The following BRINP3 variants were observed in gnomAD, a reference collection of about 807,000 sequenced individuals.
BRINP3 encodes the protein BMP/retinoic acid-inducible neural-specific protein 3.
In BRINP3, 19 loss-of-function variants were observed where a neutral mutation model predicts 71.0. That is an observed-to-expected ratio of 0.27 (90% CI 0.19 to 0.39). The LOEUF is 0.39. Among genes scored for constraint, BRINP3 ranks in the 10% least tolerant of loss-of-function variants. The pLI, the probability that BRINP3 is intolerant of heterozygous loss-of-function variation, is 1.00. For missense variants in BRINP3, 959 were observed against 940.8 expected, an observed-to-expected ratio of 1.02 and a Z score of -0.25; for synonymous variants, 380 against 337.7, an observed-to-expected ratio of 1.13 and a Z score of -1.37.
intron 6 of BRINP3, among the ~76,000 whole-genome samples, chr1:190,188,607 A>C (rs746932625): frequency 4.1e-5 from 6 of 146,230 alleles, no homozygotes; most frequent in Non-Finnish European, 5.9e-5. Context: ...TCTATTGAAA[A>C]CATCATTTTT....
In BRINP3 at chr1:190,111,463, C is replaced by T. The variant is rs531095594; in HGVS notation, c.1185-12329G>A. Reference sequence around the variant, plus strand: ...TGCTTTATTTGACATTGGTGCCTATCCAATATTCACAGGTCTATTATTCTT... The same window carrying T: ...TGCTTTATTTGACATTGGTGCCTATTCAATATTCACAGGTCTATTATTCTT... On this transcript the variant is annotated intron_variant, in intron 7 of 7. Coordinates refer to ENST00000367462, the MANE Select transcript of BRINP3 (RefSeq NM_199051.3). Among the ~76,000 whole-genome samples, 97 of 152,096 alleles carry T rather than the reference C, an allele frequency of 6.4e-4. 1 individual carries two copies. The highest frequency in any genetic ancestry group is 6.8e-3 in the Middle Eastern group (2 of 294).
At chr1:190,262,382 T>C (rs527327877) in intron 4 of BRINP3, among the ~76,000 whole-genome samples, 9 of 152,322 alleles carry the variant, frequency 5.9e-5, no homozygotes, top group African/African-American at 2.2e-4. Flanking sequence ...CCTCACCACC[T>C]CACGCTTGCA....
chr1:190,278,674 A>T (rs1558139165), intron 3 of BRINP3, among the ~76,000 whole-genome samples: 1 of 151,686 alleles, frequency 6.6e-6, no homozygotes, highest in Non-Finnish European at 1.5e-5. Flanking sequence ...TGAAAACTCA[A>T]TCCAAGGAAT....
At chr1:190,343,642 A>G (rs2103120191) in intron 2 of BRINP3, among the ~76,000 whole-genome samples, 1 of 151,756 alleles carries the variant, frequency 6.6e-6, no homozygotes, top group Non-Finnish European at 1.5e-5. Flanking sequence ...GTATTATTAT[A>G]TTTAATCTCT....
At chr1:190,222,095 A>G (rs1000208960) in intron 6 of BRINP3, among the ~76,000 whole-genome samples, 1 of 152,008 alleles carries the variant, frequency 6.6e-6, no homozygotes, top group African/African-American at 2.4e-5. Context: ...AAAACATTTC[A>G]CCCAACTGCT....
intron 7 of BRINP3, among the ~76,000 whole-genome samples, chr1:190,114,695 G>A (rs1253461350): frequency 6.6e-6 from 1 of 151,942 alleles, no homozygotes; most frequent in East Asian, 1.9e-4. Context: ...AATCCTTACA[G>A]TGGCCCGTAA....
intron 2 of BRINP3, among the ~76,000 whole-genome samples, chr1:190,312,660 G>A (rs1665617439): frequency 6.6e-6 from 1 of 151,654 alleles, no homozygotes; most frequent in African/African-American, 2.4e-5. Context: ...GTGGTTCAAA[G>A]GTTTTGAAAA....
chr1:190,372,389 G>T (rs1669924594), intron 2 of BRINP3, among the ~76,000 whole-genome samples: 1 of 152,300 alleles, frequency 6.6e-6, no homozygotes, highest in Middle Eastern at 3.4e-3. Flanking sequence ...CTTACTGAGG[G>T]TGTTTACTGA....
chr1:190,157,473 T>C (rs1056455020), intron 7 of BRINP3, among the ~76,000 whole-genome samples: 7 of 152,126 alleles, frequency 4.6e-5, no homozygotes, highest in Non-Finnish European at 1.0e-4. Context: ...GACATACATA[T>C]CCAGCTCTAG....
At chr1:190,126,541 C>A (rs558308226) in intron 7 of BRINP3, among the ~76,000 whole-genome samples, 21 of 152,030 alleles carry the variant, frequency 1.4e-4, no homozygotes, top group African/African-American at 5.1e-4. Context: ...TGAAGCAAGA[C>A]ACCTCAGTAT....
intron 2 of BRINP3, among the ~76,000 whole-genome samples, chr1:190,301,712 C>G (rs1342082314): frequency 6.6e-6 from 1 of 151,754 alleles, no homozygotes; most frequent in East Asian, 1.9e-4. Flanking sequence ...ATAACTATCT[C>G]TGTGTTCATT....
chr1:190,189,597 T>A (rs968892459), intron 6 of BRINP3, among the ~76,000 whole-genome samples: 3 of 152,148 alleles, frequency 2.0e-5, no homozygotes, highest in Admixed American at 6.6e-5. Context: ...TCAACATTTA[T>A]GTTTAACTTT....
chr1:190,465,543 G>A (rs1056561757), intron 1 of BRINP3, among the ~76,000 whole-genome samples: 7 of 151,912 alleles, frequency 4.6e-5, no homozygotes, highest in African/African-American at 1.7e-4. Context: ...TCCTGAAGGT[G>A]ATATCTGACC....
At chr1:190,327,737 C>A (rs963257568) in intron 2 of BRINP3, among the ~76,000 whole-genome samples, 2 of 152,064 alleles carry the variant, frequency 1.3e-5, no homozygotes, top group African/African-American at 4.8e-5. Context: ...TTAGACAGAT[C>A]ATATAGGCAG....
chr1:190,252,194 T>A (rs1660210341), intron 4 of BRINP3, among the ~76,000 whole-genome samples: 1 of 152,066 alleles, frequency 6.6e-6, no homozygotes, highest in South Asian at 2.1e-4. Context: ...AATGCTGCTG[T>A]GTTCCATGCT....
At chr1:190,358,955 GAAC>G (rs1488383311) in intron 2 of BRINP3, among the ~76,000 whole-genome samples, 2 of 151,948 alleles carry the variant, frequency 1.3e-5, no homozygotes, top group Non-Finnish European at 2.9e-5. Flanking sequence ...GGTGGGAATT[GAAC>G]AACGAGAACA....
chr1:190,425,233 T>G (rs1023656510), intron 2 of BRINP3, among the ~76,000 whole-genome samples: 1 of 151,728 alleles, frequency 6.6e-6, no homozygotes, highest in Non-Finnish European at 1.5e-5. Context: ...ACAGTTTACA[T>G]AGATATAAAA....
intron 1 of BRINP3, among the ~76,000 whole-genome samples, chr1:190,464,339 T>A (rs986751369): frequency 6.6e-6 from 1 of 151,960 alleles, no homozygotes; most frequent in African/African-American, 2.4e-5. Flanking sequence ...ACCTTAAATT[T>A]TTTGAACAAA....
intron 4 of BRINP3, among the ~76,000 whole-genome samples, chr1:190,235,053 C>T (rs1339604116): frequency 6.6e-6 from 1 of 152,058 alleles, no homozygotes; most frequent in Non-Finnish European, 1.5e-5. Context: ...ACAACATCCT[C>T]CACTCCCACC....
Sources: allele counts gnomAD v4.1 joint callset (sites outside exome capture counted in the v4.1 genomes callset), GRCh38; gene constraint gnomAD v4.1.1; transcripts MANE v1.5; gene names NCBI Gene and HGNC (gene_info 2026-07-23, HGNC 2026-07-21).